Variants in MANBAL observed in about 807,000 individuals in gnomAD.
MANBAL encodes mannosidase beta like, also known as protein MANBAL.
Under a neutral mutation model 6.4 loss-of-function variants are expected in MANBAL, and 1 was observed. The observed-to-expected ratio is 0.16, with a 90% CI of 0.06 to 0.74. The LOEUF (loss-of-function observed/expected upper bound fraction) is 0.74. MANBAL is among the 30% of genes least tolerant of loss of function. The pLI, the probability that MANBAL is intolerant of heterozygous loss-of-function variation, is 0.78. For synonymous variants in MANBAL, 47 were observed against 45.8 expected (o/e 1.03, Z -0.10); for missense variants, 100 against 107.8 (o/e 0.93, Z 0.32).
At chr20:37,302,386 T>G (rs1488018559) in intron 2 of MANBAL, 1 of 1,537,376 alleles carries the variant, frequency 6.5e-7, no homozygotes, top group African/African-American at 1.4e-5. Context: ...AAGCAGGTGG[T>G]GTCTGGCTGC....
chr20:37,306,294 C>CA, intron 2 of MANBAL, among the ~76,000 whole-genome samples: 1 of 152,122 alleles, frequency 6.6e-6, no homozygotes. Flanking sequence ...CTTTGAAAAG[C>CA]AAAAGAATGT....
At chr20:37,297,725 C>T (rs946868197) in intron 1 of MANBAL, among the ~76,000 whole-genome samples, 1 of 151,926 alleles carries the variant, frequency 6.6e-6, no homozygotes, top group African/African-American at 2.4e-5. Context: ...CCACTGCAAC[C>T]TCCGTCTCCC....
At chr20:37,312,580 C>G (rs1467199704) in intron 2 of MANBAL, among the ~76,000 whole-genome samples, 1 of 152,178 alleles carries the variant, frequency 6.6e-6, no homozygotes, top group Non-Finnish European at 1.5e-5. Context: ...CCGTCATGTC[C>G]AGACACATAA....
chr20:37,290,013 G>A (rs1011724957), intron 1 of MANBAL, among the ~76,000 whole-genome samples: 15 of 152,220 alleles, frequency 9.9e-5, no homozygotes, highest in African/African-American at 3.6e-4. Flanking sequence ...GAGCTCCAGA[G>A]TGAATCTGGC....
At chr20:37,316,272 C>A in intron 2 of MANBAL, 36 bp from the exon 3 acceptor site, 1 of 1,579,514 alleles carries the variant, frequency 6.3e-7, no homozygotes, top group South Asian at 1.1e-5. Flanking sequence ...AGGCTTGATC[C>A]ATCTAAGCAG....
intron 1 of MANBAL, among the ~76,000 whole-genome samples, chr20:37,298,101 A>G (rs1308672227): frequency 6.6e-6 from 1 of 152,202 alleles, no homozygotes. Flanking sequence ...CAGGAGGATC[A>G]CTTGAGCATA....
At chr20:37,306,945 A>AG (rs1425503616) in intron 2 of MANBAL, among the ~76,000 whole-genome samples, 7 of 152,142 alleles carry the variant, frequency 4.6e-5, no homozygotes, top group Admixed American at 4.6e-4. Context: ...TGTTCTCTGA[A>AG]GCCTTGGATC....
chr20:37,300,786 A>T (rs1190627832), intron 1 of MANBAL, among the ~76,000 whole-genome samples: 1 of 152,166 alleles, frequency 6.6e-6, no homozygotes, highest in Non-Finnish European at 1.5e-5. Context: ...TAGATTCAAG[A>T]GTTGTTAACA....
chr20:37,298,045 C>G (rs1020671318), intron 1 of MANBAL, among the ~76,000 whole-genome samples: 1 of 151,814 alleles, frequency 6.6e-6, no homozygotes, highest in Non-Finnish European at 1.5e-5. Flanking sequence ...ATTTAAAAAG[C>G]AAAAAGGGAT....
chr20:37,310,271 A>G (rs2069353817), intron 2 of MANBAL, among the ~76,000 whole-genome samples: 2 of 152,196 alleles, frequency 1.3e-5, no homozygotes. Flanking sequence ...CCTCAAGGCC[A>G]CTGCTAGTTT....
chr20:37,305,392 G>C lies in MANBAL; in HGVS notation c.150+3979G>C, dbSNP rs534140636. Among the ~76,000 whole-genome samples the C allele has an allele frequency of 3.5e-4, 53 of 152,158 alleles. 1 individual carries two copies. The highest frequency in any genetic ancestry group is 2.7e-3 in the Admixed American group (42 of 15,296). On this transcript the variant is annotated intron_variant, in intron 2 of 2. Coordinates refer to ENST00000373606, the MANE Select transcript of MANBAL (RefSeq NM_001003897.2). Reference sequence around the variant, plus strand: ...CTTAGAAGTAAGCCACAGAAGCCTGGGTTAGTTCAGCAAACTTCAGAAAAG... The same window carrying C: ...CTTAGAAGTAAGCCACAGAAGCCTGCGTTAGTTCAGCAAACTTCAGAAAAG...
chr20:37,307,309 A>C (rs781243431), intron 2 of MANBAL, among the ~76,000 whole-genome samples: 31 of 152,202 alleles, frequency 2.0e-4, no homozygotes, highest in Non-Finnish European at 3.7e-4. Context: ...TGTAATATGC[A>C]GCCACTACTC....
rs75633174 is a variant in MANBAL at position 37,299,762 on chromosome 20, A to C, written c.-56-1446A>C. ...TGTTGGGGAGATGACACTTGAGCTC[A>C]GCCTTAGAGGCAGAGTGGGGGCTTT... On this transcript the variant is annotated intron_variant, in intron 1 of 2. Transcript: ENST00000373606. Among the ~76,000 whole-genome samples the C allele has an allele frequency of 7.3e-3, 1,115 of 152,340 alleles. 16 individuals carry two copies. The highest frequency in any genetic ancestry group is 0.024 in the African/African-American group (1,008 of 41,570).
intron 1 of MANBAL, among the ~76,000 whole-genome samples, chr20:37,290,125 G>A (rs1466548863): frequency 6.6e-6 from 1 of 152,238 alleles, no homozygotes; most frequent in East Asian, 1.9e-4. Flanking sequence ...TTGTACTGCG[G>A]GGTAAACCGA....
At chr20:37,313,569 G>A (rs1008420076) in intron 2 of MANBAL, among the ~76,000 whole-genome samples, 3 of 149,374 alleles carry the variant, frequency 2.0e-5, no homozygotes, top group South Asian at 2.1e-4. Context: ...AGCTGTGCGT[G>A]GTGGCGGGTG....
chr20:37,311,456 TGTC>T (rs1291651403), intron 2 of MANBAL, among the ~76,000 whole-genome samples: 1 of 152,164 alleles, frequency 6.6e-6, no homozygotes, highest in Non-Finnish European at 1.5e-5. Context: ...GGATTGTTGT[TGTC>T]ATTGTTTTTT....
At chr20:37,313,895 A>G (rs1232749910) in intron 2 of MANBAL, among the ~76,000 whole-genome samples, 1 of 152,198 alleles carries the variant, frequency 6.6e-6, no homozygotes, top group Non-Finnish European at 1.5e-5. Flanking sequence ...CTGTTGATGA[A>G]GGTGACCAGC....
chr20:37,309,474 T>G (rs2146823827), intron 2 of MANBAL, among the ~76,000 whole-genome samples: 1 of 152,086 alleles, frequency 6.6e-6, no homozygotes, highest in African/African-American at 2.4e-5. Context: ...AGGGTCCCCA[T>G]GGAAAAGAGG....
At chr20:37,308,508 A>G (rs931547337) in intron 2 of MANBAL, among the ~76,000 whole-genome samples, 2 of 152,156 alleles carry the variant, frequency 1.3e-5, no homozygotes, top group African/African-American at 4.8e-5. Context: ...AAAGTTCTCA[A>G]TAGGGAGTTC....
Sources: gnomAD v4.1 joint callset for allele counts (sites outside exome capture counted in the v4.1 genomes callset) on GRCh38, gnomAD v4.1.1 for gene constraint, MANE v1.5 for transcripts, NCBI Gene and HGNC (gene_info 2026-07-23, HGNC 2026-07-21) for gene names.